The following FN1 variants were observed in gnomAD, a reference collection of about 807,000 sequenced individuals.
FN1 encodes the protein fibronectin 1, also known as fibronectin.
A neutral mutation model predicts 297.3 loss-of-function variants in FN1; 106 were observed. That is an observed-to-expected ratio of 0.36 (90% confidence interval 0.30 to 0.42). FN1 has a LOEUF of 0.42. FN1 is among the 10% of genes least tolerant of loss of function. The pLI is 1.00. For missense variants in FN1, 2,690 were observed against 3,124.9 expected, an observed-to-expected ratio of 0.86 and a Z score of 3.32; for synonymous variants, 1,149 against 1,152.6, an observed-to-expected ratio of 1.00 and a Z score of 0.06.
chr2:215,378,253 T>G lies in FN1; in HGVS notation c.5632A>C (p.Lys1878Gln), dbSNP rs751281619. 12 of 1,608,616 alleles carry G rather than the reference T, an allele frequency of 7.5e-6. No homozygotes were observed. The highest frequency in any genetic ancestry group is 9.4e-6 in the Non-Finnish European group (11 of 1,175,532). Reference sequence around the variant, plus strand: ...AGAGCATAGACACTCACTTCATATTTGGTGGCCACCTAGAGAAATAAGGGC... The same window carrying G: ...AGAGCATAGACACTCACTTCATATTGGGTGGCCACCTAGAGAAATAAGGGC... ...VVVSGLMVATKYEVSVYALKD... is the reference protein window; with the variant it reads ...VVVSGLMVATQYEVSVYALKD... Residue 1878 changes from lysine to glutamine, a missense_variant, in exon 35 of 46, where the codon AAA (lysine) becomes CAA (glutamine). Coordinates refer to ENST00000354785, the MANE Select transcript of FN1 (RefSeq NM_212482.4).
intron 15 of FN1, 102 bp downstream of exon 15, chr2:215,409,461 T>C (rs1345849388): frequency 9.0e-6 from 10 of 1,106,816 alleles, no homozygotes; most frequent in Non-Finnish European, 1.4e-5. Context: ...TGTCAACCAG[T>C]TCCAAACCAC....
chr2:215,374,911 T>G (rs1447226457), intron 38 of FN1, among the ~76,000 whole-genome samples: 1 of 152,218 alleles, frequency 6.6e-6, no homozygotes, highest in African/African-American at 2.4e-5. Flanking sequence ...AATCAGCTAG[T>G]ATGCTTTGAA....
At chr2:215,432,182 T>C (rs1355558051) in intron 3 of FN1, among the ~76,000 whole-genome samples, 1 of 152,006 alleles carries the variant, frequency 6.6e-6, no homozygotes, top group Admixed American at 6.6e-5. Context: ...CAGAGAAATC[T>C]GGATGGCAAG....
At chr2:215,378,551 T>C (rs1221825596) in intron 34 of FN1, among the ~76,000 whole-genome samples, 1 of 152,188 alleles carries the variant, frequency 6.6e-6, no homozygotes, top group African/African-American at 2.4e-5. Context: ...CGTATTTTTC[T>C]TTTTTATGAT....
At chr2:215,408,991 C>T (rs1327192284) in intron 15 of FN1, among the ~76,000 whole-genome samples, 2 of 152,036 alleles carry the variant, frequency 1.3e-5, no homozygotes, top group Admixed American at 6.6e-5. Flanking sequence ...TTTTTGTAAT[C>T]GAATGCCAAA....
intron 40 of FN1, among the ~76,000 whole-genome samples, chr2:215,370,675 T>TAG (rs1559337573): frequency 6.6e-6 from 1 of 151,992 alleles, no homozygotes; most frequent in Non-Finnish European, 1.5e-5. Flanking sequence ...ACGTGCTCCG[T>TAG]AGTTAACAGG....
intron 36 of FN1, 55 bp from the exon 37 acceptor site, chr2:215,375,773 T>A: frequency 1.7e-6 from 2 of 1,183,244 alleles, no homozygotes; most frequent in Non-Finnish European, 2.5e-6. Flanking sequence ...CTAGGAGAAT[T>A]CTCAAGCTAG....
rs2055637689 is a variant in FN1, at chr2:215,370,335, C to G, written c.6812G>C (p.Arg2271Thr). ...VIVEALKDQQRHKVREEVVTV... is the reference protein window; with the variant it reads ...VIVEALKDQQTHKVREEVVTV... ...AACAACCTCTTCCCGAACCTTATGCCTCTGCTGGTCTTTCAGTGCCTCCAC... is the reference window on the plus strand; with the variant it reads ...AACAACCTCTTCCCGAACCTTATGCGTCTGCTGGTCTTTCAGTGCCTCCAC... The change falls in exon 41 of 46, where the codon AGG becomes ACG. Residue 2271 changes from arginine (R) to threonine (T), a missense_variant. By Grantham distance (71) the Arg-to-Thr change is moderately conservative (BLOSUM62 -1). This residue lies in a region of FN1 where 1,743 missense variants were observed against 1,945.2 expected (regional missense o/e 0.90). Transcript: ENST00000354785. 14 of 1,613,944 alleles carry G rather than the reference C, an allele frequency of 8.7e-6. No individual in the cohort carries two copies. The highest frequency in any genetic ancestry group is 1.2e-5 in the Non-Finnish European group (14 of 1,180,004).
intron 38 of FN1, among the ~76,000 whole-genome samples, chr2:215,374,598 C>T (rs2056908995): frequency 6.6e-6 from 1 of 152,174 alleles, no homozygotes; most frequent in African/African-American, 2.4e-5. Flanking sequence ...GAGGCCTCCC[C>T]AGCCATGCGG....
Position 215,397,666 on chromosome 2 carries a change from A to G in FN1, c.3517+14T>C. On this transcript the variant is annotated intron_variant, in intron 22 of 45. Coordinates refer to ENST00000354785, the MANE Select transcript of FN1 (RefSeq NM_212482.4). The stretch of plus-strand genomic sequence containing the variant: ...TTTTAAAAACTAATAGAAAAGGGAA[A>G]AAATTCTTCTTACGTGTCACCACTT... The G allele has an allele frequency of 6.2e-7, 1 of 1,613,350 alleles. No homozygotes were observed.
In FN1 at chr2:215,430,643, T is replaced by C. The variant is rs1036762613; in HGVS notation, c.685+72A>G. On this transcript the variant is annotated intron_variant, in intron 5 of 45. Transcript: ENST00000354785. ...ACTGGATGTGTTCTGAGTAACATAG[T>C]ATTACCCTTCTCTCTAGGAATCCAG... 5 of 1,548,954 alleles carry C rather than the reference T, an allele frequency of 3.2e-6. No homozygotes were observed. In the Admixed American group the frequency reaches 8.4e-5, roughly 26 times the overall value.
rs932636364 is a variant in FN1 at position 215,384,499 on chromosome 2, T to G, written c.4730-315A>C. 5 of 399,816 alleles carry G rather than the reference T, an allele frequency of 1.3e-5. No homozygotes were observed. The South Asian group carries it at 1.7e-4, about 14-fold the overall frequency. 24.8% of individuals were successfully genotyped at this position (399,816 alleles called of 1,614,324 possible). ...CAGGATTGCATGCATTGTGTCCTTT[T>G]TAAAACTTTTAACAGAATACATTCC... On this transcript the variant is annotated intron_variant, in intron 29 of 45. Coordinates refer to ENST00000354785, the MANE Select transcript of FN1 (RefSeq NM_212482.4).
At chr2:215,382,360 C>T (rs778157747) in intron 31 of FN1, 35 bp from the exon 32 acceptor site, 19 of 1,354,530 alleles carry the variant, frequency 1.4e-5, no homozygotes, top group African/African-American at 5.7e-5. Context: ...GCAACATCCA[C>T]GTCATCCACT....
At chr2:215,432,804 G>C (rs776625821) in intron 3 of FN1, among the ~76,000 whole-genome samples, 2 of 152,118 alleles carry the variant, frequency 1.3e-5, no homozygotes, top group Non-Finnish European at 2.9e-5. Flanking sequence ...TTATCCCTAG[G>C]AATAGTGACA....
chr2:215,383,992 G>A (rs932664515), intron 30 of FN1, 28 bp downstream of exon 30: 5 of 1,610,360 alleles, frequency 3.1e-6, no homozygotes, highest in Admixed American at 1.7e-5. Context: ...AGTAAAAGCT[G>A]GTGTCACCCC....
chr2:215,428,318 T>C lies in FN1; in HGVS notation c.706A>G (p.Thr236Ala), dbSNP rs2065866233. 1.2e-6 allele frequency: 2 copies of C among 1,614,188 alleles called. No homozygotes were observed. Among genetic ancestry groups the C allele is most frequent in the East Asian group, 2.2e-5 (1 of 44,894 alleles). ...TCTCCAATTCTATAGGATGTCCTTG[T>C]GTCCTGATCGTTGCATCTATCTGTG... ...TSRNRCNDQD[T>A]RTSYRIGDTW... Residue 236 changes from threonine (T) to alanine (A), a missense_variant, in exon 6 of 46, where the codon ACA becomes GCA. By Grantham distance (58) the Thr-to-Ala change is moderately conservative (BLOSUM62 0). Coordinates refer to ENST00000354785, the MANE Select transcript of FN1 (RefSeq NM_212482.4).
chr2:215,423,335 A>C lies in FN1; in HGVS notation c.1393+15T>G. ...TTGTTGTCAAACAAGACAACCCACA[A>C]GGGCTTCATCTTACCAGCCATGGGG... On this transcript the variant is annotated intron_variant, in intron 9 of 45. Transcript: ENST00000354785. The C allele has an allele frequency of 6.2e-7, 1 of 1,613,470 alleles. No individual in the cohort carries two copies.
intron 24 of FN1, 146 bp from the exon 25 acceptor site, chr2:215,393,349 A>C: frequency 1.4e-6 from 1 of 721,404 alleles, no homozygotes; most frequent in Non-Finnish European, 2.2e-6. Flanking sequence ...AATCTGTTTT[A>C]AATTCTCTGA....
intron 2 of FN1, among the ~76,000 whole-genome samples, 166 bp downstream of exon 2, chr2:215,434,530 T>TA (rs1210522782): frequency 3.9e-5 from 6 of 152,162 alleles, no homozygotes; most frequent in Admixed American, 2.0e-4. Context: ...GTTTTAAAGG[T>TA]AAAAGCATGT....
Sources: gnomAD v4.1 joint callset for allele counts (sites outside exome capture counted in the v4.1 genomes callset) on GRCh38, gnomAD v4.1.1 for gene constraint, gnomAD v4.1.1 regional missense constraint, MANE v1.5 for transcripts, NCBI Gene and HGNC (gene_info 2026-07-23, HGNC 2026-07-21) for gene names.